The following FAT3 variants were observed in gnomAD, a reference collection of about 807,000 sequenced individuals.
The protein encoded by FAT3 is protocadherin Fat 3.
In FAT3, 95 loss-of-function variants were observed where a neutral mutation model predicts 310.2. The observed-to-expected ratio is 0.31, with a 90% CI of 0.26 to 0.36. The LOEUF is 0.36. Among genes scored for constraint, FAT3 ranks in the 10% least tolerant of loss-of-function variants. The probability of loss-of-function intolerance (pLI) is 1.00; values close to 1 mark genes in which losing one functional copy is unlikely to be tolerated. For synonymous variants in FAT3, 2,314 were observed against 2,192.9 expected, an observed-to-expected ratio of 1.06 and a Z score of -1.54; for missense variants, 5,408 against 5,715.6, an observed-to-expected ratio of 0.95 and a Z score of 1.74.
intron 3 of FAT3, among the ~76,000 whole-genome samples, chr11:92,666,793 G>A (rs1942968596): frequency 6.6e-6 from 1 of 152,152 alleles, no homozygotes; most frequent in Non-Finnish European, 1.5e-5. Context: ...CTATAGTCCA[G>A]CCATATTGCC....
intron 19 of FAT3, among the ~76,000 whole-genome samples, 169 bp from the exon 20 acceptor site, chr11:92,857,045 C>T (rs984703612): frequency 6.6e-6 from 1 of 152,156 alleles, no homozygotes; most frequent in Non-Finnish European, 1.5e-5. Context: ...CAGGTGAAGC[C>T]CATTCAGGTG....
chr11:92,862,356 A>C (rs906280433), intron 21 of FAT3, among the ~76,000 whole-genome samples: 1 of 152,168 alleles, frequency 6.6e-6, no homozygotes, highest in Non-Finnish European at 1.5e-5. Context: ...AAAAAGAAGA[A>C]AGAAACATGA....
At chr11:92,343,913 C>G (rs1386461488) in intron 1 of FAT3, among the ~76,000 whole-genome samples, 1 of 152,088 alleles carries the variant, frequency 6.6e-6, no homozygotes, top group Non-Finnish European at 1.5e-5. Flanking sequence ...AGCTTAGACT[C>G]AATGTTGACC....
intron 1 of FAT3, among the ~76,000 whole-genome samples, chr11:92,296,325 T>A (rs1446245809): frequency 6.6e-6 from 1 of 152,090 alleles, no homozygotes; most frequent in African/African-American, 2.4e-5. Context: ...CATAACAGTA[T>A]CATGACTCAG....
Position 92,867,882 on chromosome 11 carries a change from G to T in FAT3, c.12127+673G>T, listed in dbSNP as rs118135919. ...TACTCTAATATTTTTTTCCCACAAG[G>T]TACATCATGAAAGAGGAGAGTAGGC... On this transcript the variant is annotated intron_variant, in intron 22 of 27. Coordinates refer to ENST00000525166, the MANE Select transcript of FAT3 (RefSeq NM_001367949.2). Among the ~76,000 whole-genome samples, 1,233 of 150,644 alleles carry T rather than the reference G, an allele frequency of 8.2e-3. 7 individuals are homozygous for T. The highest frequency in any genetic ancestry group is 0.013 in the Non-Finnish European group (909 of 67,890).
At chr11:92,605,840 C>T (rs1404778605) in intron 3 of FAT3, among the ~76,000 whole-genome samples, 1 of 150,944 alleles carries the variant, frequency 6.6e-6, no homozygotes, top group Non-Finnish European at 1.5e-5. Flanking sequence ...GTCTTCTGCC[C>T]CTGGTTCAGT....
chr11:92,879,212 ATTTC>A (rs1301878772), intron 22 of FAT3, among the ~76,000 whole-genome samples: 1 of 152,182 alleles, frequency 6.6e-6, no homozygotes, highest in African/African-American at 2.4e-5. Context: ...GTCTCACAAG[ATTTC>A]CTTCCTATAA....
Position 92,413,164 on chromosome 11 carries a change from G to T in FAT3, c.3292+57760G>T, listed in dbSNP as rs553462516. 8.9e-4 allele frequency among the ~76,000 whole-genome samples: 135 copies of T among 152,130 alleles called. 1 individual carries two copies. Among genetic ancestry groups the T allele is most frequent in the African/African-American group, 3.1e-3 (128 of 41,492 alleles). On this transcript the variant is annotated intron_variant, in intron 2 of 27. Transcript: ENST00000525166. Reference sequence around the variant, plus strand: ...TTCCATAATTTTGCCTTTTTCATATGTCATATGGATGAAATCATATTCTAT... The same window carrying T: ...TTCCATAATTTTGCCTTTTTCATATTTCATATGGATGAAATCATATTCTAT...
rs141793337 is a variant in FAT3 at position 92,851,331 on chromosome 11, T to G, written c.11366-5883T>G. On this transcript the variant is annotated intron_variant, in intron 19 of 27. Coordinates refer to ENST00000525166, the MANE Select transcript of FAT3 (RefSeq NM_001367949.2). ...AATTTGTTTTTATAATAAATGTTTT[T>G]CTTTACAAGTTGCTTTCACATACAC... is the stretch of plus-strand genomic sequence containing the variant. 5.0e-4 allele frequency among the ~76,000 whole-genome samples: 76 copies of G among 152,350 alleles called. 1 individual carries two copies. In the East Asian group the frequency reaches 0.014, roughly 29 times the overall value.
At chr11:92,428,978 G>T (rs112639459) in intron 2 of FAT3, among the ~76,000 whole-genome samples, 2,555 of 152,242 alleles carry the variant, frequency 0.017, 87 homozygotes, top group African/African-American at 0.058. Context: ...TGACAGTGGG[G>T]TGTTAAAGTC....
chr11:92,596,368 A>C (rs981283891), intron 3 of FAT3, among the ~76,000 whole-genome samples: 1 of 152,138 alleles, frequency 6.6e-6, no homozygotes, highest in Non-Finnish European at 1.5e-5. Flanking sequence ...GAGTCAACAC[A>C]ATTTTATGTT....
At chr11:92,648,591 C>T (rs1173044923) in intron 3 of FAT3, among the ~76,000 whole-genome samples, 1 of 152,212 alleles carries the variant, frequency 6.6e-6, no homozygotes, top group East Asian at 1.9e-4. Context: ...CCTGGATCCA[C>T]TAATGCCTTC....
intron 1 of FAT3, among the ~76,000 whole-genome samples, chr11:92,312,323 T>C (rs1947327691): frequency 6.6e-6 from 1 of 152,194 alleles, no homozygotes; most frequent in Non-Finnish European, 1.5e-5. Flanking sequence ...GACAGGACAG[T>C]GGATAAGTGC....
rs10528724 is a variant in FAT3, at chr11:92,649,874, CATATAT to C, written c.3608-47473_3608-47468del. 7.6e-3 allele frequency among the ~76,000 whole-genome samples: 378 copies of C among 49,580 alleles called. 4 individuals carry two copies. The highest frequency in any genetic ancestry group is 0.017 in the South Asian group (20 of 1,154). The allele number at this position is 49,580 out of a possible 152,430, so 32.5% of individuals were successfully genotyped here. On this transcript the variant is annotated intron_variant, in intron 3 of 27. Transcript: ENST00000525166. Reference sequence around the variant, plus strand: ...TTGTTAAACACCCACTTTGTATGTTCATATATATATATATATATATATATATATATA... The same window carrying C: ...TTGTTAAACACCCACTTTGTATGTTCATATATATATATATATATATATATA...
intron 2 of FAT3, among the ~76,000 whole-genome samples, chr11:92,463,134 A>G (rs1008338300): frequency 2.0e-5 from 3 of 152,198 alleles, no homozygotes; most frequent in South Asian, 2.1e-4. Flanking sequence ...TTGCTTTGCT[A>G]TTACCTTCAC....
At chr11:92,273,142 ATG>A (rs1324362143) in intron 1 of FAT3, among the ~76,000 whole-genome samples, 1 of 152,130 alleles carries the variant, frequency 6.6e-6, no homozygotes, top group Admixed American at 6.6e-5. Flanking sequence ...CTGTGAAATT[ATG>A]AGTCTGATCC....
intron 3 of FAT3, among the ~76,000 whole-genome samples, chr11:92,692,408 C>G (rs1055677770): frequency 6.6e-6 from 1 of 152,110 alleles, no homozygotes; most frequent in African/African-American, 2.4e-5. Flanking sequence ...TTTGCTTGTG[C>G]CCTATTAGGG....
Position 92,651,365 on chromosome 11 carries a change from A to T in FAT3, c.3608-46019A>T, listed in dbSNP as rs540678405. 2.6e-5 allele frequency among the ~76,000 whole-genome samples: 4 copies of T among 152,300 alleles called. No individual in the cohort carries two copies. The South Asian group carries it at 6.2e-4, about 24-fold the overall frequency. On this transcript the variant is annotated intron_variant, in intron 3 of 27. Coordinates refer to ENST00000525166, the MANE Select transcript of FAT3 (RefSeq NM_001367949.2). ...TTGATGCTGCAGGCTACTTCCCATG[A>T]GGGCCCGTTTGGGCTTGGTCAATGC...
chr11:92,756,267 A>C (rs1945988429), intron 4 of FAT3, among the ~76,000 whole-genome samples: 1 of 152,178 alleles, frequency 6.6e-6, no homozygotes, highest in African/African-American at 2.4e-5. Context: ...TTAATTTATA[A>C]ATTAGGCACA....
Sources: allele counts gnomAD v4.1 joint callset (sites outside exome capture counted in the v4.1 genomes callset), GRCh38; gene constraint gnomAD v4.1.1; transcripts MANE v1.5; gene names NCBI Gene and HGNC (gene_info 2026-07-23, HGNC 2026-07-21).